GCN1: variants seen among roughly 807,000 people sequenced by gnomAD.
GCN1 encodes the protein stalled ribosome sensor GCN1.
In GCN1, 90 loss-of-function variants were observed where a neutral mutation model predicts 288.4. The observed-to-expected ratio is 0.31, with a 90% CI of 0.26 to 0.37. GCN1 has a LOEUF of 0.37. Among genes scored for constraint, GCN1 ranks in the 10% least tolerant of loss-of-function variants. The pLI is 1.00. For synonymous variants in GCN1, 1,386 were observed against 1,420.2 expected (o/e 0.98, Z 0.54); for missense variants, 2,586 against 3,419.9 (o/e 0.76, Z 6.08).
chr12:120,158,743 T>A lies in GCN1; in HGVS notation c.2750-128A>T. ...AAAATATTTCTGCGGCTGGGCGCGG[T>A]GGCTGATGCCTGTAATCCCAGCACT... On this transcript the variant is annotated intron_variant, in intron 24 of 57. Transcript: ENST00000300648. This position sits in a 1 kb window ranked among gnomAD's most constrained non-coding sequence, Gnocchi z 4.3. 1 of 785,938 alleles carries A rather than the reference T, an allele frequency of 1.3e-6. No homozygotes were observed. The highest frequency in any genetic ancestry group is 2.0e-6 in the Non-Finnish European group (1 of 503,456). 48.7% of individuals were successfully genotyped at this position (785,938 alleles called of 1,614,324 possible).
In GCN1 at chr12:120,163,095, C is replaced by G. The variant is rs1485186530; in HGVS notation, c.2013G>C (p.Leu671=). 1.2e-6 allele frequency: 2 copies of G among 1,614,116 alleles called. No homozygotes were observed. The highest frequency in any genetic ancestry group is 1.7e-6 in the Non-Finnish European group (2 of 1,180,042). ...CTAAGGATGGGTGGTGGGAGATGAT[C>G]AGCATTTCCTGGGCCAGTTGTTCAG... is the stretch of plus-strand genomic sequence containing the variant. ...TDTEQLAQEM[L]IISHHPSLVA... is the part of the protein sequence containing the mutation. The change falls in exon 19 of 58, where the codon CTG becomes CTC. Residue 671 remains leucine, a synonymous_variant. Transcript: ENST00000300648.
Position 120,186,768 on chromosome 12 carries a change from G to A in GCN1, c.122-1881C>T, listed in dbSNP as rs554115554. Among the ~76,000 whole-genome samples the A allele has an allele frequency of 7.9e-5, 12 of 152,338 alleles. No individual in the cohort carries two copies. In the East Asian group the frequency reaches 2.3e-3, roughly 29 times the overall value. ...TGTGAGCTTACCATACCCAGACAAT[G>A]CGTTACATTTACTCCAACCTATCAG... is the stretch of plus-strand genomic sequence containing the variant. On this transcript the variant is annotated intron_variant, in intron 2 of 57. Transcript: ENST00000300648.
intron 1 of GCN1, among the ~76,000 whole-genome samples, chr12:120,190,648 A>G (rs556915212): frequency 6.6e-6 from 1 of 152,280 alleles, no homozygotes; most frequent in Non-Finnish European, 1.5e-5. Flanking sequence ...GACATTGTCA[A>G]ATGTCTCCTG....
At position 120,137,453 on chromosome 12, in the gene GCN1, A is replaced by G. The variant is rs188310554; in HGVS notation, c.6663+92T>C. Reference sequence around the variant, plus strand: ...TGGGTAAACGCCGAAGCTGAGTGACAGGTACGTGGGGGATTCTTATAAGTC... The same window carrying G: ...TGGGTAAACGCCGAAGCTGAGTGACGGGTACGTGGGGGATTCTTATAAGTC... On this transcript the variant is annotated intron_variant, in intron 49 of 57. Coordinates refer to ENST00000300648, the MANE Select transcript of GCN1 (RefSeq NM_006836.2). The surrounding 1 kb of genome is among the most constrained non-coding windows in gnomAD (Gnocchi z 5.2). 42 of 1,450,884 alleles carry G rather than the reference A, an allele frequency of 2.9e-5. No individual in the cohort carries two copies. The East Asian group carries it at 9.1e-4, about 32-fold the overall frequency. 89.9% of individuals were successfully genotyped at this position (1,450,884 alleles called of 1,614,324 possible).
At chr12:120,165,028 CACACACACATAT>C (rs1363206321) in intron 16 of GCN1, among the ~76,000 whole-genome samples, 2 of 143,884 alleles carry the variant, frequency 1.4e-5, no homozygotes, top group African/African-American at 5.3e-5. Flanking sequence ...CACACACACA[CACACACACATAT>C]ATATATATAT....
In GCN1 at chr12:120,155,828, G is replaced by A. The variant is rs1594272309; in HGVS notation, c.3313-109C>T. 3.7e-5 allele frequency: 36 copies of A among 985,618 alleles called. No homozygotes were observed. The East Asian group carries it at 7.0e-4, about 19-fold the overall frequency. 61.1% of individuals were successfully genotyped at this position (985,618 alleles called of 1,614,324 possible). On this transcript the variant is annotated intron_variant, in intron 28 of 57. Coordinates refer to ENST00000300648, the MANE Select transcript of GCN1 (RefSeq NM_006836.2). This position sits in a 1 kb window ranked among gnomAD's most constrained non-coding sequence, Gnocchi z 4.9. The stretch of plus-strand genomic sequence containing the variant: ...ACTGTCCAAGATGTAGCCACTAACC[G>A]CATGTGGCTAAAGTTAAATCAATTA...
At chr12:120,131,739 G>T (rs1363377562) in intron 54 of GCN1, among the ~76,000 whole-genome samples, 187 bp downstream of exon 54, 1 of 152,168 alleles carries the variant, frequency 6.6e-6, no homozygotes, top group Admixed American at 6.5e-5. Context: ...TCAGCCTCCT[G>T]AGTAGCTGGG....
intron 5 of GCN1, among the ~76,000 whole-genome samples, chr12:120,182,086 T>C (rs1878682596): frequency 6.6e-6 from 1 of 151,520 alleles, no homozygotes; most frequent in African/African-American, 2.4e-5. Context: ...GAGGCAGAGG[T>C]TGCAGTGAGC....
At position 120,136,618 on chromosome 12, in the gene GCN1, C is replaced by A; in HGVS notation, c.6892G>T (p.Ala2298Ser). 1 of 1,614,118 alleles carries A rather than the reference C, an allele frequency of 6.2e-7. No homozygotes were observed. The highest frequency in any genetic ancestry group is 8.5e-7 in the Non-Finnish European group (1 of 1,179,956). Residue 2298 changes from alanine to serine, a missense_variant, in exon 51 of 58, where the codon GCC becomes TCC. Physicochemically the swap from Ala to Ser is moderately conservative, Grantham distance 99. Coordinates refer to ENST00000300648, the MANE Select transcript of GCN1 (RefSeq NM_006836.2). ...GLVIRLTSADALRPSVVSITG... is the reference protein window; with the variant it reads ...GLVIRLTSADSLRPSVVSITG... The stretch of plus-strand genomic sequence containing the variant: ...ATGCTGACCACGGAGGGCCTCAGGG[C>A]GTCAGCCGAGGTCAGGCGGATTACC...
At chr12:120,182,159 C>CA (rs111240044) in intron 5 of GCN1, among the ~76,000 whole-genome samples, 1,358 of 115,760 alleles carry the variant, frequency 0.012, 19 homozygotes, top group African/African-American at 0.031. Flanking sequence ...TCAAAGAAAA[C>CA]AAAAAAAAAA....
chr12:120,144,627 C>G lies in GCN1; in HGVS notation c.5352+12G>C. On this transcript the variant is annotated intron_variant, in intron 41 of 57. Transcript: ENST00000300648. The surrounding 1 kb of genome is among the most constrained non-coding windows in gnomAD (Gnocchi z 4.7). ...TCAAGGACTCTACCCTTGCCAAGGT[C>G]ATGGTACCTACTTTGAGGATACAGG... The G allele has an allele frequency of 6.2e-7, 1 of 1,610,868 alleles. No individual in the cohort carries two copies.
chr12:120,155,344 C>T lies in GCN1; in HGVS notation c.3527G>A (p.Arg1176Lys), dbSNP rs1877708995. Residue 1176 changes from arginine to lysine, a missense_variant, in exon 30 of 58, where the codon AGG (arginine) becomes AAG (lysine). Physicochemically the swap from Arg to Lys is conservative, Grantham distance 26 (BLOSUM62 2). This residue lies in a region of GCN1 where 332 missense variants were observed against 403.0 expected (regional missense o/e 0.82). Transcript: ENST00000300648. The surrounding 1 kb of genome is among the most constrained non-coding windows in gnomAD (Gnocchi z 4.9). ...GGAGAGGGCTTCGGCCCCTGCCTGC[C>T]TTACAGCCGCCTCATGATAGATCAC... Reference protein sequence around the residue: ...DDVIYHEAAVRQAGAEALSQA... With the variant: ...DDVIYHEAAVKQAGAEALSQA... 1 of 1,614,216 alleles carries T rather than the reference C, an allele frequency of 6.2e-7. No individual in the cohort carries two copies. Among genetic ancestry groups the T allele is most frequent in the East Asian group, 2.2e-5 (1 of 44,890 alleles).
At chr12:120,159,361 A>G (rs1439277703) in intron 24 of GCN1, among the ~76,000 whole-genome samples, 1 of 152,188 alleles carries the variant, frequency 6.6e-6, no homozygotes, top group Admixed American at 6.5e-5. Flanking sequence ...GCTGAAGGCC[A>G]CTAAACAACC....
chr12:120,159,219 G>A (rs1019539013), intron 24 of GCN1, among the ~76,000 whole-genome samples: 1 of 152,038 alleles, frequency 6.6e-6, no homozygotes. Context: ...CCACCTCTAC[G>A]CAACAAGCCC....
Position 120,178,896 on chromosome 12 carries a change from C to T in GCN1, c.481G>A (p.Ala161Thr), listed in dbSNP as rs1415106923. 11 of 1,614,074 alleles carry T rather than the reference C, an allele frequency of 6.8e-6. No individual in the cohort carries two copies. Among genetic ancestry groups the T allele is most frequent in the Admixed American group, 1.7e-5 (1 of 60,016 alleles). Residue 161 changes from alanine (A) to threonine (T), a missense_variant, in exon 6 of 58, where the codon GCC (alanine) becomes ACC (threonine). By Grantham distance (58) the Ala-to-Thr change is moderately conservative. Transcript: ENST00000300648. ...AGTTTCTTCACAGCACCATCCACGG[C>T]GTGCTTGTGGGAGCCACCCAGCACC... The part of the protein sequence containing the change: ...LEVLGGSHKH[A>T]VDGAVKKLTK...
At chr12:120,131,413 C>T (rs991920298) in intron 54 of GCN1, 80 bp from the exon 55 acceptor site, 49 of 1,377,508 alleles carry the variant, frequency 3.6e-5, no homozygotes, top group Admixed American at 1.9e-4. Flanking sequence ...GGGCCCACCC[C>T]GCTGGAGACC....
In GCN1 at chr12:120,151,262, C is replaced by A. The variant is rs763828545; in HGVS notation, c.4192G>T (p.Ala1398Ser). 93 of 1,614,092 alleles carry A rather than the reference C, an allele frequency of 5.8e-5. No homozygotes were observed. The highest frequency in any genetic ancestry group is 7.5e-5 in the Non-Finnish European group (88 of 1,180,030). Residue 1398 changes from alanine to serine, a missense_variant, in exon 34 of 58, where the codon GCC (alanine) becomes TCC (serine). Around this residue, in one of 8 missense-constraint regions of GCN1, gnomAD observed 332 missense variants for 403.0 expected, o/e 0.82. Transcript: ENST00000300648. ...SDKYAERKGA[A>S]YGLAGLVKGL... ...TTCACCAGGCCCGCCAGGCCATAGG[C>A]GGCCCCTTTGCGCTCTGCGTACTTG...
At position 120,155,650 on chromosome 12, in the gene GCN1, G is replaced by A. The variant is rs1877722557; in HGVS notation, c.3382C>T (p.Arg1128Trp). 8.1e-6 allele frequency: 13 copies of A among 1,613,880 alleles called. No individual in the cohort carries two copies. The highest frequency in any genetic ancestry group is 1.1e-5 in the South Asian group (1 of 91,058). Residue 1128 changes from arginine (R) to tryptophan (W), a missense_variant, in exon 29 of 58, where the codon CGG becomes TGG. Arg to Trp is a moderately radical substitution (Grantham distance 101). Around this residue, in one of 8 missense-constraint regions of GCN1, gnomAD observed 332 missense variants for 403.0 expected, o/e 0.82. Coordinates refer to ENST00000300648, the MANE Select transcript of GCN1 (RefSeq NM_006836.2). This position sits in a 1 kb window ranked among gnomAD's most constrained non-coding sequence, Gnocchi z 4.9. ...TCAAACTTGACCACCCAGAGTCTCC[G>A]CAGAAGGTTCAGGCCATTCTTCTCA... ...TDEKNGLNLL[R>W]RLWVVKFDKE...
Position 120,137,443 on chromosome 12 carries a change from G to T in GCN1, c.6663+102C>A. 7.0e-7 allele frequency: 1 copy of T among 1,429,918 alleles called. No individual in the cohort carries two copies. Among genetic ancestry groups the T allele is most frequent in the Non-Finnish European group, 9.8e-7 (1 of 1,021,040 alleles). The allele number at this position is 1,429,918 out of a possible 1,614,324, so 88.6% of individuals were successfully genotyped here. On this transcript the variant is annotated intron_variant, in intron 49 of 57. Coordinates refer to ENST00000300648, the MANE Select transcript of GCN1 (RefSeq NM_006836.2). This position sits in a 1 kb window ranked among gnomAD's most constrained non-coding sequence, Gnocchi z 5.2. The stretch of plus-strand genomic sequence containing the variant: ...TTGCCACGAGTGGGTAAACGCCGAA[G>T]CTGAGTGACAGGTACGTGGGGGATT...
Sources: gnomAD v4.1 joint callset for allele counts (sites outside exome capture counted in the v4.1 genomes callset) on GRCh38, gnomAD v4.1.1 for gene constraint, gnomAD v4.1.1 regional missense constraint, Gnocchi (gnomAD v3.1) non-coding constraint, MANE v1.5 for transcripts, NCBI Gene and HGNC (gene_info 2026-07-23, HGNC 2026-07-21) for gene names.